MAPK10: variants seen among roughly 807,000 people sequenced by gnomAD.
MAPK10 encodes the protein JNK3 alpha protein kinase.
Under a neutral mutation model 59.3 loss-of-function variants are expected in MAPK10, and 25 were observed. The ratio of observed to expected loss-of-function variants is 0.42; its 90% CI spans 0.31 to 0.59. The LOEUF (loss-of-function observed/expected upper bound fraction) is 0.59, where lower values mean the gene tolerates loss of function less well. MAPK10 is among the 20% of genes least tolerant of loss of function. The probability of loss-of-function intolerance (pLI) is 0.15; values close to 1 mark genes in which losing one functional copy is unlikely to be tolerated. For synonymous variants in MAPK10, 190 were observed against 200.5 expected (o/e 0.95, Z 0.44); for missense variants, 351 against 568.9 (o/e 0.62, Z 3.90).
intron 2 of MAPK10, among the ~76,000 whole-genome samples, chr4:86,274,056 G>C (rs1185801042): frequency 6.6e-6 from 1 of 151,958 alleles, no homozygotes; most frequent in Non-Finnish European, 1.5e-5. Context: ...AGTTAGAAAA[G>C]TAAGGGGAAA....
At chr4:86,572,129 C>T (rs946525016) in intron 1 of MAPK10, among the ~76,000 whole-genome samples, 5 of 151,966 alleles carry the variant, frequency 3.3e-5, no homozygotes, top group East Asian at 1.9e-4. Context: ...TTTGTTCTTA[C>T]CAGAACAGTG....
intron 1 of MAPK10, among the ~76,000 whole-genome samples, chr4:86,575,988 T>C (rs1428837512): frequency 1.4e-5 from 2 of 143,188 alleles, no homozygotes; most frequent in Admixed American, 1.4e-4. Context: ...CATAATATTG[T>C]GTGTGTATGC....
At chr4:86,575,789 TG>T (rs1288204933) in intron 1 of MAPK10, among the ~76,000 whole-genome samples, 1 of 150,404 alleles carries the variant, frequency 6.6e-6, no homozygotes, top group Non-Finnish European at 1.5e-5. Context: ...TGGTGTATGA[TG>T]GGGTTATGAT....
chr4:86,459,430 A>C (rs569753702), intron 1 of MAPK10, among the ~76,000 whole-genome samples: 2 of 152,380 alleles, frequency 1.3e-5, no homozygotes, highest in African/African-American at 4.8e-5. Context: ...AAAAGAAGTC[A>C]CTAAAAAGAT....
intron 2 of MAPK10, among the ~76,000 whole-genome samples, chr4:86,346,758 C>G (rs4371581): frequency 0.71 from 105,698 of 149,330 alleles, 38,568 homozygotes; most frequent in South Asian, 0.9. Flanking sequence ...AAAAACACAT[C>G]TAAGTGGACC....
intron 1 of MAPK10, among the ~76,000 whole-genome samples, chr4:86,521,783 C>G (rs1055461112): frequency 6.6e-6 from 1 of 152,176 alleles, no homozygotes; most frequent in African/African-American, 2.4e-5. Context: ...CCCACGCCAT[C>G]AGCTGTGGCT....
At chr4:86,309,587 T>C (rs1325403894) in intron 2 of MAPK10, among the ~76,000 whole-genome samples, 3 of 152,190 alleles carry the variant, frequency 2.0e-5, no homozygotes, top group Admixed American at 6.5e-5. Flanking sequence ...TAGAAATCGT[T>C]CGTGGTGGTC....
chr4:86,432,515 G>A (rs2149041843), intron 1 of MAPK10, among the ~76,000 whole-genome samples: 1 of 152,250 alleles, frequency 6.6e-6, no homozygotes, highest in African/African-American at 2.4e-5. Context: ...CCAGACCTCA[G>A]GTGATCTGCC....
At chr4:86,240,149 T>C (rs1188450009) in intron 2 of MAPK10, among the ~76,000 whole-genome samples, 5 of 152,240 alleles carry the variant, frequency 3.3e-5, no homozygotes, top group African/African-American at 1.2e-4. Context: ...TCCATGAAAT[T>C]GTGTGGTTTT....
intron 13 of MAPK10, chr4:86,023,812 A>AATATATATATATATATAT (rs368982706): frequency 2.2e-3 from 224 of 100,378 alleles, no homozygotes; most frequent in Non-Finnish European, 2.9e-3. Flanking sequence ...AGATCAAATG[A>AATATATATATATATATAT]ATATATATAT....
At chr4:86,291,683 A>ATTT (rs2095232948) in intron 2 of MAPK10, among the ~76,000 whole-genome samples, 2 of 152,296 alleles carry the variant, frequency 1.3e-5, no homozygotes, top group African/African-American at 4.8e-5. Context: ...ATTTCTAAGC[A>ATTT]CTGTCATTCT....
intron 1 of MAPK10, among the ~76,000 whole-genome samples, chr4:86,521,132 C>T (rs1207557999): frequency 1.3e-5 from 2 of 152,222 alleles, no homozygotes; most frequent in East Asian, 3.8e-4. Flanking sequence ...GGCTCAGGAC[C>T]TCTGGTTAGC....
intron 1 of MAPK10, among the ~76,000 whole-genome samples, chr4:86,417,503 T>C (rs1287244300): frequency 6.6e-6 from 1 of 152,228 alleles, no homozygotes; most frequent in Non-Finnish European, 1.5e-5. Flanking sequence ...TTATTTAACA[T>C]GTTAAAAGCT....
At chr4:86,214,731 G>T (rs2086919570) in intron 2 of MAPK10, among the ~76,000 whole-genome samples, 1 of 151,860 alleles carries the variant, frequency 6.6e-6, no homozygotes, top group Admixed American at 6.6e-5. Flanking sequence ...CTTGTACAAT[G>T]AAAACTAAAG....
At chr4:86,538,327 G>T (rs1758409496) in intron 1 of MAPK10, among the ~76,000 whole-genome samples, 1 of 152,000 alleles carries the variant, frequency 6.6e-6, no homozygotes, top group South Asian at 2.1e-4. Context: ...TGTGTTTTTA[G>T]TAGAGATGGA....
intron 2 of MAPK10, among the ~76,000 whole-genome samples, chr4:86,324,410 C>T (rs969307085): frequency 1.3e-5 from 2 of 151,046 alleles, no homozygotes; most frequent in African/African-American, 4.9e-5. Flanking sequence ...AGGGAAACTC[C>T]ACCTCAAAAA....
chr4:86,353,231 C>A (rs527921739), intron 2 of MAPK10, among the ~76,000 whole-genome samples: 22 of 152,292 alleles, frequency 1.4e-4, no homozygotes, highest in African/African-American at 4.8e-4. Flanking sequence ...AACACAACTA[C>A]CTCCATTAAT....
At chr4:86,232,602 T>C (rs1394177963) in intron 2 of MAPK10, among the ~76,000 whole-genome samples, 4 of 152,168 alleles carry the variant, frequency 2.6e-5, no homozygotes, top group Non-Finnish European at 5.9e-5. Context: ...CTTCATCTCC[T>C]GACCTCGTGA....
intron 2 of MAPK10, among the ~76,000 whole-genome samples, chr4:86,246,325 G>A (rs1441746444): frequency 2.0e-5 from 3 of 152,060 alleles, no homozygotes; most frequent in Admixed American, 6.6e-5. Flanking sequence ...CAGCTACTCG[G>A]GAGGCTGAGG....
Sources: gnomAD v4.1 joint callset for allele counts (sites outside exome capture counted in the v4.1 genomes callset) on GRCh38, gnomAD v4.1.1 for gene constraint, MANE v1.5 for transcripts, NCBI Gene and HGNC (gene_info 2026-07-23, HGNC 2026-07-21) for gene names.